GPC5: variants seen among roughly 807,000 people sequenced by gnomAD.
GPC5 encodes the protein glypican-5.
In GPC5, 47 loss-of-function variants were observed where a neutral mutation model predicts 53.9. The observed-to-expected ratio is 0.87, with a 90% CI of 0.69 to 1.11. The LOEUF is 1.11. Among genes scored for constraint, GPC5 ranks in the 50% most tolerant of loss-of-function variants. The pLI, the probability that GPC5 is intolerant of heterozygous loss-of-function variation, is 0.00. For synonymous variants in GPC5, 286 were observed against 263.3 expected, an observed-to-expected ratio of 1.09 and a Z score of -0.84; for missense variants, 748 against 713.1, an observed-to-expected ratio of 1.05 and a Z score of -0.56.
At chr13:92,193,245 T>C (rs1017982225) in intron 7 of GPC5, among the ~76,000 whole-genome samples, 1 of 152,208 alleles carries the variant, frequency 6.6e-6, no homozygotes. Context: ...ATTAATTCAA[T>C]TTCTGCCTAC....
chr13:92,738,879 C>T (rs1889013037), intron 7 of GPC5, among the ~76,000 whole-genome samples: 1 of 152,078 alleles, frequency 6.6e-6, no homozygotes, highest in Admixed American at 6.6e-5. Context: ...GCCTCTCCAG[C>T]ATCCAAAAGT....
chr13:92,108,266 G>T (rs77902644), intron 6 of GPC5, among the ~76,000 whole-genome samples: 64 of 152,004 alleles, frequency 4.2e-4, no homozygotes, highest in African/African-American at 1.3e-3. Flanking sequence ...GTAATAAAAG[G>T]GTACTTATGA....
At chr13:91,478,354 C>T (rs1442320464) in intron 2 of GPC5, among the ~76,000 whole-genome samples, 2 of 151,894 alleles carry the variant, frequency 1.3e-5, no homozygotes, top group Non-Finnish European at 2.9e-5. Flanking sequence ...AATCCCTTTC[C>T]ATTTCACTGT....
At chr13:92,147,649 G>A (rs2041877964) in intron 7 of GPC5, among the ~76,000 whole-genome samples, 1 of 151,974 alleles carries the variant, frequency 6.6e-6, no homozygotes, top group African/African-American at 2.4e-5. Context: ...CATGGTACAA[G>A]CAGCTACCCA....
At chr13:91,542,677 TTTTTTTTA>T (rs1324233819) in intron 2 of GPC5, among the ~76,000 whole-genome samples, 1 of 151,866 alleles carries the variant, frequency 6.6e-6, no homozygotes, top group Non-Finnish European at 1.5e-5. Flanking sequence ...TCTTCCTCAA[TTTTTTTTA>T]TTTTTTTATT....
chr13:91,425,468 A>C (rs1213142400), intron 1 of GPC5, among the ~76,000 whole-genome samples: 1 of 152,118 alleles, frequency 6.6e-6, no homozygotes, highest in Non-Finnish European at 1.5e-5. Context: ...TTCTCATGAT[A>C]GTGAGTGAAT....
chr13:91,863,292 AT>A (rs2039050008), intron 5 of GPC5, among the ~76,000 whole-genome samples: 1 of 152,114 alleles, frequency 6.6e-6, no homozygotes, highest in Admixed American at 6.6e-5. Context: ...ATGGTTGTAA[AT>A]ACTTGGCTTC....
chr13:91,467,645 T>A lies in GPC5; in HGVS notation c.325+18723T>A, dbSNP rs1357100660. On this transcript the variant is annotated intron_variant, in intron 2 of 7. Transcript: ENST00000377067. ...TTAGTTATCCTTTATCCTTTTGTTT[T>A]TAGTAACATCTGTTTAAATTTTCAA... is the stretch of plus-strand genomic sequence containing the variant. 3.3e-5 allele frequency among the ~76,000 whole-genome samples: 5 copies of A among 152,172 alleles called. No homozygotes were observed. In the East Asian group the frequency reaches 9.6e-4, roughly 29 times the overall value.
intron 1 of GPC5, among the ~76,000 whole-genome samples, chr13:91,427,262 C>T (rs915928108): frequency 1.3e-5 from 2 of 152,188 alleles, no homozygotes; most frequent in African/African-American, 2.4e-5. Context: ...CACCATGAGC[C>T]TGGAGAAGTC....
At position 91,693,789 on chromosome 13, in the gene GPC5, T is replaced by TA; in HGVS notation, c.929dup (p.Tyr310Ter). ...EELSDAMHGT[Y>*]DIGHVLLNFH... is the part of the protein sequence containing the mutation. Reference sequence around the variant, plus strand: ...ACTCTCGGATGCAATGCATGGAACATACGACATTGGACACGTGCTGCTGAA... The same window carrying TA: ...ACTCTCGGATGCAATGCATGGAACATAACGACATTGGACACGTGCTGCTGAA... The change falls in exon 3 of 8, where the codon TAC becomes TAAC. Residue 310 changes from tyrosine to a stop codon, truncating the protein, a stop_gained and frameshift_variant. Coordinates refer to ENST00000377067, the MANE Select transcript of GPC5 (RefSeq NM_004466.6). LOFTEE classifies it high-confidence loss of function. 2 of 1,614,046 alleles carry TA rather than the reference T, an allele frequency of 1.2e-6. No homozygotes were observed. Among genetic ancestry groups the TA allele is most frequent in the Non-Finnish European group, 1.7e-6 (2 of 1,180,012 alleles).
At chr13:92,469,341 A>G (rs942159047) in intron 7 of GPC5, among the ~76,000 whole-genome samples, 6 of 151,988 alleles carry the variant, frequency 3.9e-5, no homozygotes, top group Non-Finnish European at 8.8e-5. Flanking sequence ...CCAAGTATCT[A>G]AATTTCTATA....
In GPC5 at chr13:92,363,489, C is replaced by T. The variant is rs149323774; in HGVS notation, c.1561+218500C>T. On this transcript the variant is annotated intron_variant, in intron 7 of 7. Coordinates refer to ENST00000377067, the MANE Select transcript of GPC5 (RefSeq NM_004466.6). ...CATAAGGAGTACACAACCTAGATCCCTCGCATGTACAGTTCACAATAGAGT... is the reference window on the plus strand; with the variant it reads ...CATAAGGAGTACACAACCTAGATCCTTCGCATGTACAGTTCACAATAGAGT... Among the ~76,000 whole-genome samples the T allele has an allele frequency of 4.0e-5, 6 of 151,812 alleles. No individual in the cohort carries two copies. The East Asian group carries it at 1.2e-3, about 29-fold the overall frequency.
chr13:91,610,713 C>G (rs1295257459), intron 2 of GPC5, among the ~76,000 whole-genome samples: 1 of 152,114 alleles, frequency 6.6e-6, no homozygotes, highest in East Asian at 1.9e-4. Flanking sequence ...AGTATCATCC[C>G]AAATCTGGAA....
intron 5 of GPC5, among the ~76,000 whole-genome samples, chr13:91,877,108 G>A (rs2039211456): frequency 6.6e-6 from 1 of 152,202 alleles, no homozygotes; most frequent in African/African-American, 2.4e-5. Context: ...AAGATGTTTG[G>A]AAACTCCTGG....
At chr13:91,718,729 CCT>C (rs1235435128) in intron 3 of GPC5, among the ~76,000 whole-genome samples, 1 of 152,038 alleles carries the variant, frequency 6.6e-6, no homozygotes, top group Admixed American at 6.5e-5. Context: ...GGGTAGAATT[CCT>C]CTCTTTTCTT....
At chr13:92,658,682 GA>G (rs1886219443) in intron 7 of GPC5, among the ~76,000 whole-genome samples, 1 of 152,132 alleles carries the variant, frequency 6.6e-6, no homozygotes, top group South Asian at 2.1e-4. Context: ...AAAGAAGGAA[GA>G]GATAGGCATT....
Position 92,678,419 on chromosome 13 carries a change from G to T in GPC5, c.1562-187863G>T, listed in dbSNP as rs9589619. On this transcript the variant is annotated intron_variant, in intron 7 of 7. Transcript: ENST00000377067. ...TGTTTTAAATATGGTTGCCAGGTACGTCCTTACTGTATAAGAACATTCTCC... is the reference window on the plus strand; with the variant it reads ...TGTTTTAAATATGGTTGCCAGGTACTTCCTTACTGTATAAGAACATTCTCC... 5.0e-3 allele frequency among the ~76,000 whole-genome samples: 726 copies of T among 146,334 alleles called. 6 individuals carry two copies. The highest frequency in any genetic ancestry group is 0.017 in the African/African-American group (702 of 41,210).
intron 7 of GPC5, among the ~76,000 whole-genome samples, chr13:92,724,647 G>T (rs551416040): frequency 2.0e-5 from 3 of 151,552 alleles, no homozygotes; most frequent in Admixed American, 1.3e-4. Context: ...TTCCACTTAC[G>T]TGAGGTATCT....
chr13:91,768,000 C>T (rs1286383675), intron 5 of GPC5, among the ~76,000 whole-genome samples: 1 of 152,138 alleles, frequency 6.6e-6, no homozygotes, highest in Non-Finnish European at 1.5e-5. Flanking sequence ...ATTGAGGTTA[C>T]ACCTGAAAAG....
Sources: gnomAD v4.1 joint callset for allele counts (sites outside exome capture counted in the v4.1 genomes callset) on GRCh38, gnomAD v4.1.1 for gene constraint, MANE v1.5 for transcripts, NCBI Gene and HGNC (gene_info 2026-07-23, HGNC 2026-07-21) for gene names.